OLFML1: variants seen among roughly 807,000 people sequenced by gnomAD.
The protein encoded by OLFML1 is olfactomedin like 1.
Under a neutral mutation model 37.3 loss-of-function variants are expected in OLFML1, and 33 were observed. The observed-to-expected ratio is 0.88, with a 90% CI of 0.67 to 1.18. The LOEUF is 1.18. Among genes scored for constraint, OLFML1 ranks in the 50% most tolerant of loss-of-function variants. OLFML1 has a pLI of 0.00. For missense variants in OLFML1, 545 were observed against 483.7 expected, an observed-to-expected ratio of 1.13 and a Z score of -1.19; for synonymous variants, 186 against 181.3, an observed-to-expected ratio of 1.03 and a Z score of -0.21.
chr11:7,485,797 G>T lies in OLFML1; in HGVS notation c.-79G>T. ...TTTGCCACAGCAGCGGATAGAGCAGGAGAGCACCACCGGAGCCCTTGAGAC... is the reference window on the plus strand; with the variant it reads ...TTTGCCACAGCAGCGGATAGAGCAGTAGAGCACCACCGGAGCCCTTGAGAC... On this transcript the variant is annotated 5_prime_UTR_variant, in exon 1 of 3. Coordinates refer to ENST00000329293, the MANE Select transcript of OLFML1 (RefSeq NM_198474.4). 5 of 1,443,632 alleles carry T rather than the reference G, an allele frequency of 3.5e-6. No individual in the cohort carries two copies. In the South Asian group the frequency reaches 6.2e-5, roughly 18 times the overall value. The allele number at this position is 1,443,632 out of a possible 1,614,324, so 89.4% of individuals were successfully genotyped here. A position where few individuals can be genotyped will look rare whatever the true frequency, so the allele number is the denominator to read the frequency against.
In OLFML1 at chr11:7,509,348, G is replaced by C. The variant is rs1309938029; in HGVS notation, c.419-50G>C. 2.8e-6 allele frequency: 4 copies of C among 1,424,440 alleles called. No homozygotes were observed. In the African/African-American group the frequency reaches 5.7e-5, roughly 20 times the overall value. The allele number at this position is 1,424,440 out of a possible 1,614,324, so 88.2% of individuals were successfully genotyped here. On this transcript the variant is annotated intron_variant, in intron 2 of 2. Transcript: ENST00000329293. ...AGCATGGGGAGCCTTCCAGAAAGCA[G>C]ACAGCTCATGTTTATAAAGTAATCT...
In OLFML1 at chr11:7,510,494, T is replaced by C. The variant is rs1590065537; in HGVS notation, c.*306T>C. On this transcript the variant is annotated 3_prime_UTR_variant, in exon 3 of 3. Coordinates refer to ENST00000329293, the MANE Select transcript of OLFML1 (RefSeq NM_198474.4). ...CCTTTTGTTTTACTGCTCCCCAGCA[T>C]TTACTGTAACTCTGCCATCTTCCCT... 3.8e-6 allele frequency: 1 copy of C among 266,346 alleles called. No individual in the cohort carries two copies. Among genetic ancestry groups the C allele is most frequent in the East Asian group, 7.2e-5 (1 of 13,800 alleles). The allele number at this position is 266,346 out of a possible 1,614,324, so 16.5% of individuals were successfully genotyped here.
In OLFML1 at chr11:7,509,430, T is replaced by C. The variant is rs1848825678; in HGVS notation, c.451T>C (p.Leu151=). 1.2e-6 allele frequency: 2 copies of C among 1,613,008 alleles called. No homozygotes were observed. The highest frequency in any genetic ancestry group is 2.7e-5 in the African/African-American group (2 of 74,852). ...CDNMLMGIKS[L]KIVKKMMDTH... ...CAACATGCTGATGGGCATAAAGTCT[T>C]TGAAAATAGTGAAGAAGATGATGGA... is the stretch of plus-strand genomic sequence containing the variant. Residue 151 remains leucine (L), a synonymous_variant, in exon 3 of 3, where the codon TTG becomes CTG. Transcript: ENST00000329293.
intron 2 of OLFML1, among the ~76,000 whole-genome samples, chr11:7,497,895 C>T (rs908201552): frequency 2.0e-5 from 3 of 152,148 alleles, no homozygotes; most frequent in African/African-American, 2.4e-5. Context: ...TGCCAAATTG[C>T]CCCATGGCTC....
At chr11:7,486,379 T>C (rs1039996187) in intron 1 of OLFML1, among the ~76,000 whole-genome samples, 10 of 152,252 alleles carry the variant, frequency 6.6e-5, no homozygotes, top group African/African-American at 1.9e-4. Context: ...TTTTAAAATA[T>C]GAAACTTAAA....
chr11:7,510,271 G>C lies in OLFML1; in HGVS notation c.*83G>C. 1 of 1,080,420 alleles carries C rather than the reference G, an allele frequency of 9.3e-7. No homozygotes were observed. The highest frequency in any genetic ancestry group is 1.6e-5 in the South Asian group (1 of 62,990). The allele number at this position is 1,080,420 out of a possible 1,614,324, so 66.9% of individuals were successfully genotyped here. Reference sequence around the variant, plus strand: ...GAGGCTATAGCCCCTTCACAATATAGTATCCCTCTAATCACACACAGGAAG... The same window carrying C: ...GAGGCTATAGCCCCTTCACAATATACTATCCCTCTAATCACACACAGGAAG... On this transcript the variant is annotated 3_prime_UTR_variant, in exon 3 of 3. Coordinates refer to ENST00000329293, the MANE Select transcript of OLFML1 (RefSeq NM_198474.4).
chr11:7,496,529 T>C (rs113445877), intron 2 of OLFML1, among the ~76,000 whole-genome samples: 3 of 152,138 alleles, frequency 2.0e-5, no homozygotes, highest in Admixed American at 6.5e-5. Flanking sequence ...CCCTAGACCA[T>C]CACATGTTGA....
At position 7,485,891 on chromosome 11, in the gene OLFML1, C is replaced by A. The variant is rs202237467; in HGVS notation, c.16C>A (p.Arg6=). 1.2e-6 allele frequency: 2 copies of A among 1,613,340 alleles called. No individual in the cohort carries two copies. MMVAL[R]GASALLVLFL... Reference sequence around the variant, plus strand: ...GTTTTGCAGGATGATGGTGGCCCTTCGAGGAGCTTCTGCATTGCTGGTTCT... The same window carrying A: ...GTTTTGCAGGATGATGGTGGCCCTTAGAGGAGCTTCTGCATTGCTGGTTCT... Residue 6 remains arginine, a synonymous_variant, in exon 1 of 3, where the codon CGA becomes AGA. Transcript: ENST00000329293.
chr11:7,510,303 T>A lies in OLFML1; in HGVS notation c.*115T>A. The A allele has an allele frequency of 2.4e-6, 2 of 846,442 alleles. No homozygotes were observed. The highest frequency in any genetic ancestry group is 3.6e-6 in the Non-Finnish European group (2 of 562,222). The allele number at this position is 846,442 out of a possible 1,614,324, so 52.4% of individuals were successfully genotyped here. On this transcript the variant is annotated 3_prime_UTR_variant, in exon 3 of 3. Transcript: ENST00000329293. ...TCTAATCACACACAGGAAGAGTGTGTAGAAGTGGAAATACGTATGCCTCCT... is the reference window on the plus strand; with the variant it reads ...TCTAATCACACACAGGAAGAGTGTGAAGAAGTGGAAATACGTATGCCTCCT...
At chr11:7,493,859 G>A (rs1373454013) in intron 2 of OLFML1, among the ~76,000 whole-genome samples, 1 of 152,124 alleles carries the variant, frequency 6.6e-6, no homozygotes, top group African/African-American at 2.4e-5. Flanking sequence ...AAATATGTTG[G>A]CATTGTGCCA....
intron 2 of OLFML1, among the ~76,000 whole-genome samples, chr11:7,507,806 C>G (rs1328779092): frequency 6.6e-6 from 1 of 152,204 alleles, no homozygotes; most frequent in African/African-American, 2.4e-5. Flanking sequence ...CTTGGCCACC[C>G]AAAGTGCTGG....
chr11:7,495,091 C>A (rs958672677), intron 2 of OLFML1, among the ~76,000 whole-genome samples: 1 of 152,202 alleles, frequency 6.6e-6, no homozygotes, highest in African/African-American at 2.4e-5. Flanking sequence ...CCTCGTCTGA[C>A]AGGTCACTAT....
chr11:7,491,969 A>G (rs760689617), intron 2 of OLFML1, among the ~76,000 whole-genome samples: 6 of 152,130 alleles, frequency 3.9e-5, no homozygotes, highest in Admixed American at 2.6e-4. Context: ...TTCAAAATCA[A>G]CTGATTTGGA....
intron 2 of OLFML1, among the ~76,000 whole-genome samples, chr11:7,500,932 G>A (rs1848715616): frequency 6.6e-6 from 1 of 152,042 alleles, no homozygotes; most frequent in African/African-American, 2.4e-5. Flanking sequence ...TTAATGTAAA[G>A]TGCCTAGCCC....
rs56120000 is a variant in OLFML1, at chr11:7,489,200, C to A, written c.418+785C>A. 3.9e-3 allele frequency among the ~76,000 whole-genome samples: 587 copies of A among 152,296 alleles called. 5 individuals are homozygous for A. The highest frequency in any genetic ancestry group is 0.013 in the African/African-American group (542 of 41,554). Reference sequence around the variant, plus strand: ...AAATGACATATAAGCTGAGTGCCATCATTGTGCTAAAAGTTTCACATACCT... The same window carrying A: ...AAATGACATATAAGCTGAGTGCCATAATTGTGCTAAAAGTTTCACATACCT... On this transcript the variant is annotated intron_variant, in intron 2 of 2. Coordinates refer to ENST00000329293, the MANE Select transcript of OLFML1 (RefSeq NM_198474.4).
intron 2 of OLFML1, among the ~76,000 whole-genome samples, 164 bp from the exon 3 acceptor site, chr11:7,509,234 G>T (rs1031665110): frequency 4.6e-5 from 7 of 152,292 alleles, no homozygotes; most frequent in Admixed American, 1.3e-4. Context: ...TTTTCCAAGG[G>T]AAACCCTTCT....
At position 7,510,419 on chromosome 11, in the gene OLFML1, A is replaced by C; in HGVS notation, c.*231A>C. On this transcript the variant is annotated 3_prime_UTR_variant, in exon 3 of 3. Coordinates refer to ENST00000329293, the MANE Select transcript of OLFML1 (RefSeq NM_198474.4). ...TTCAACAATGTCCATTACTCCCCCA[A>C]ACCTCCTGGCTCTCAAGGATGACCA... 2 of 472,710 alleles carry C rather than the reference A, an allele frequency of 4.2e-6. No individual in the cohort carries two copies. The highest frequency in any genetic ancestry group is 3.7e-5 in the Admixed American group (1 of 26,974). The allele number at this position is 472,710 out of a possible 1,614,324, so 29.3% of individuals were successfully genotyped here.
At chr11:7,501,954 A>G (rs374027383) in intron 2 of OLFML1, among the ~76,000 whole-genome samples, 3 of 152,316 alleles carry the variant, frequency 2.0e-5, no homozygotes, top group East Asian at 3.9e-4. Context: ...GGAGAGAAGG[A>G]CGATGAGCTA....
chr11:7,502,767 G>A (rs1344964994), intron 2 of OLFML1, among the ~76,000 whole-genome samples: 1 of 152,006 alleles, frequency 6.6e-6, no homozygotes, highest in Non-Finnish European at 1.5e-5. Flanking sequence ...CACCATGCCT[G>A]GCTAATTTTT....
Sources: gnomAD v4.1 joint callset for allele counts (sites outside exome capture counted in the v4.1 genomes callset) on GRCh38, gnomAD v4.1.1 for gene constraint, MANE v1.5 for transcripts, NCBI Gene and HGNC (gene_info 2026-07-23, HGNC 2026-07-21) for gene names.